The following SMYD3 variants were observed in gnomAD, a reference collection of about 807,000 sequenced individuals.
SMYD3 encodes histone-lysine N-methyltransferase SMYD3.
Under a neutral mutation model 57.7 loss-of-function variants are expected in SMYD3, and 36 were observed. That is an observed-to-expected ratio of 0.62 (90% CI 0.48 to 0.82). The LOEUF is 0.82. Ranked by LOEUF, SMYD3 falls within the 40% of genes least tolerant of loss-of-function variation. The pLI is 0.00. For synonymous variants in SMYD3, 211 were observed against 195.0 expected, an observed-to-expected ratio of 1.08 and a Z score of -0.68; for missense variants, 515 against 538.8, an observed-to-expected ratio of 0.96 and a Z score of 0.44.
In SMYD3 at chr1:245,802,442, G is replaced by A. The variant is rs2047915874; in HGVS notation, c.1077-38293C>T. ...TATGAAAATAGCTACTTGATATCAA[G>A]GTCACAACTAATTTCATTTTATTCA... On this transcript the variant is annotated intron_variant, in intron 10 of 11. Transcript: ENST00000490107. Among the ~76,000 whole-genome samples the A allele has an allele frequency of 2.0e-5, 3 of 152,106 alleles. No individual in the cohort carries two copies. The South Asian group carries it at 6.2e-4, about 32-fold the overall frequency.
chr1:246,437,663 A>C (rs1420780622), intron 1 of SMYD3, among the ~76,000 whole-genome samples: 1 of 152,246 alleles, frequency 6.6e-6, no homozygotes, highest in Non-Finnish European at 1.5e-5. Context: ...GCTATGAAAC[A>C]AATTTAAAGT....
At chr1:245,970,662 CA>C (rs2058276342) in intron 5 of SMYD3, among the ~76,000 whole-genome samples, 1 of 152,106 alleles carries the variant, frequency 6.6e-6, no homozygotes, top group Admixed American at 6.5e-5. Flanking sequence ...AGACACTTCT[CA>C]AAAGAAGACA....
intron 7 of SMYD3, among the ~76,000 whole-genome samples, chr1:245,921,547 G>GTACATATATATATATA (rs1491323831): frequency 3.1e-4 from 11 of 35,086 alleles, no homozygotes; most frequent in Admixed American, 7.8e-4. Flanking sequence ...AAAAAATGTG[G>GTACATATATATATATA]TGTATATATA....
chr1:245,786,261 C>T (rs1009392900), intron 10 of SMYD3, among the ~76,000 whole-genome samples: 12 of 150,562 alleles, frequency 8.0e-5, no homozygotes, highest in Admixed American at 6.0e-4. Flanking sequence ...AAGAAGCCTA[C>T]GGAAACCTGG....
chr1:246,139,974 C>A (rs1023606557), intron 5 of SMYD3, among the ~76,000 whole-genome samples: 2 of 152,216 alleles, frequency 1.3e-5, no homozygotes, highest in Non-Finnish European at 2.9e-5. Flanking sequence ...TCTGCAATGA[C>A]ACAGTTCTCC....
chr1:245,922,788 G>A (rs1314702597), intron 7 of SMYD3, among the ~76,000 whole-genome samples: 3 of 152,040 alleles, frequency 2.0e-5, no homozygotes, highest in Non-Finnish European at 2.9e-5. Flanking sequence ...TCCACACTGC[G>A]TAGTAGTAAG....
At chr1:246,204,272 C>T (rs7528410) in intron 5 of SMYD3, among the ~76,000 whole-genome samples, 20,153 of 152,092 alleles carry the variant, frequency 0.13, 3,489 homozygotes, top group African/African-American at 0.4. Flanking sequence ...TGACCTGTCA[C>T]TCATCCTCAC....
At chr1:245,800,465 G>C (rs1334245176) in intron 10 of SMYD3, among the ~76,000 whole-genome samples, 1 of 151,748 alleles carries the variant, frequency 6.6e-6, no homozygotes, top group African/African-American at 2.4e-5. Context: ...ATAGTGCTTG[G>C]CACATAGGAG....
At chr1:246,376,312 G>A (rs988413279) in intron 1 of SMYD3, among the ~76,000 whole-genome samples, 6 of 151,896 alleles carry the variant, frequency 4.0e-5, no homozygotes, top group Non-Finnish European at 8.8e-5. Context: ...AAACAAGCAG[G>A]GCACAGTAGC....
intron 5 of SMYD3, among the ~76,000 whole-genome samples, chr1:246,260,186 G>A (rs942152702): frequency 6.6e-6 from 1 of 152,142 alleles, no homozygotes; most frequent in Non-Finnish European, 1.5e-5. Context: ...GACCTGCCTG[G>A]GCTTAGAGCA....
intron 5 of SMYD3, among the ~76,000 whole-genome samples, chr1:246,164,274 T>A (rs1572136761): frequency 6.6e-6 from 1 of 152,000 alleles, no homozygotes; most frequent in African/African-American, 2.4e-5. Context: ...TACAAAAAAA[T>A]TAGCTGGGCG....
At chr1:246,354,097 G>A (rs7532782) in intron 2 of SMYD3, among the ~76,000 whole-genome samples, 81,248 of 152,028 alleles carry the variant, frequency 0.53, 22,462 homozygotes, top group Middle Eastern at 0.71. Flanking sequence ...AACTCTGGAG[G>A]TGTGTGTGCA....
intron 1 of SMYD3, among the ~76,000 whole-genome samples, chr1:246,441,577 A>G (rs943725078): frequency 6.6e-6 from 1 of 152,158 alleles, no homozygotes; most frequent in Non-Finnish European, 1.5e-5. Context: ...TGCCTCACTG[A>G]CATTTTAGGG....
intron 2 of SMYD3, among the ~76,000 whole-genome samples, chr1:246,344,061 T>G (rs929276171): frequency 3.9e-5 from 6 of 152,168 alleles, no homozygotes; most frequent in African/African-American, 1.4e-4. Context: ...AAATTTTTGT[T>G]TTTTTGAGAT....
chr1:246,112,167 CAA>C (rs972894170), intron 5 of SMYD3, among the ~76,000 whole-genome samples: 6 of 152,172 alleles, frequency 3.9e-5, no homozygotes, highest in Non-Finnish European at 5.9e-5. Context: ...GACTTATTTT[CAA>C]AAGAGGAAGG....
intron 5 of SMYD3, chr1:246,035,252 C>G (rs2059751842): frequency 6.6e-6 from 1 of 152,218 alleles, no homozygotes; most frequent in Non-Finnish European, 1.5e-5. Flanking sequence ...ATGTCAACCC[C>G]CATTCCACAG....
At chr1:246,255,236 T>C (rs1282961481) in intron 5 of SMYD3, among the ~76,000 whole-genome samples, 2 of 152,024 alleles carry the variant, frequency 1.3e-5, no homozygotes, top group East Asian at 1.9e-4. Flanking sequence ...CCAGTTTTTG[T>C]CCATTCAGGA....
At chr1:245,956,117 T>A in intron 5 of SMYD3, 1 of 956,302 alleles carries the variant, frequency 1.0e-6, no homozygotes, top group Non-Finnish European at 1.2e-6. Flanking sequence ...GGGGTCTCAT[T>A]TTGTTGCCCA....
intron 5 of SMYD3, among the ~76,000 whole-genome samples, chr1:246,123,514 C>A (rs2061455835): frequency 6.7e-6 from 1 of 148,802 alleles, no homozygotes; most frequent in African/African-American, 2.5e-5. Context: ...TTGCAGTGAG[C>A]CAAGATCACG....
Sources: allele counts gnomAD v4.1 joint callset (sites outside exome capture counted in the v4.1 genomes callset), GRCh38; gene constraint gnomAD v4.1.1; transcripts MANE v1.5; gene names NCBI Gene and HGNC (gene_info 2026-07-23, HGNC 2026-07-21).